The following PTPRQ variants were observed in gnomAD, a reference collection of about 807,000 sequenced individuals.
PTPRQ encodes the protein protein tyrosine phosphatase receptor type Q, also known as phosphatidylinositol phosphatase PTPRQ.
PTPRQ carries 199 observed loss-of-function variants against 246.0 expected under a neutral mutation model. The ratio of observed to expected loss-of-function variants is 0.81; its 90% CI spans 0.72 to 0.91. PTPRQ has a LOEUF of 0.91. Ranked by LOEUF, PTPRQ falls within the 40% of genes least tolerant of loss-of-function variation. The pLI is 0.00. For missense variants in PTPRQ, 2,624 were observed against 2,528.4 expected (o/e 1.04, Z -0.81); for synonymous variants, 869 against 853.2 (o/e 1.02, Z -0.32).
intron 25 of PTPRQ, among the ~76,000 whole-genome samples, chr12:80,570,295 T>C (rs1897107795): frequency 1.3e-5 from 2 of 152,230 alleles, no homozygotes; most frequent in African/African-American, 2.4e-5. Flanking sequence ...TGAGATGGTA[T>C]CTCATTGTAG....
At chr12:80,599,390 C>T (rs1898069117) in intron 26 of PTPRQ, among the ~76,000 whole-genome samples, 1 of 151,896 alleles carries the variant, frequency 6.6e-6, no homozygotes, top group South Asian at 2.1e-4. Context: ...AGATTCATTT[C>T]ACAAACAATC....
At chr12:80,551,613 T>G (rs1896476990) in intron 25 of PTPRQ, among the ~76,000 whole-genome samples, 1 of 152,174 alleles carries the variant, frequency 6.6e-6, no homozygotes, top group Non-Finnish European at 1.5e-5. Context: ...GAAGTAATAA[T>G]GAAAGGCACC....
At chr12:80,628,677 C>A (rs866895234) in intron 33 of PTPRQ, among the ~76,000 whole-genome samples, 1 of 151,830 alleles carries the variant, frequency 6.6e-6, no homozygotes, top group African/African-American at 2.4e-5. Context: ...TCTCTCAGAC[C>A]GTGGAATAGT....
At chr12:80,652,254 A>G (rs1485465202) in intron 37 of PTPRQ, among the ~76,000 whole-genome samples, 1 of 152,088 alleles carries the variant, frequency 6.6e-6, no homozygotes, top group Non-Finnish European at 1.5e-5. Context: ...GCATTCCATT[A>G]TTGATTTAGC....
At chr12:80,619,665 T>C (rs1297489741) in intron 31 of PTPRQ, 123 bp downstream of exon 31, 5 of 650,946 alleles carry the variant, frequency 7.7e-6, no homozygotes, top group Non-Finnish European at 1.1e-5. Context: ...ATTAATAGAT[T>C]GTCAATATTA....
chr12:80,627,345 T>TATA (rs10646490), intron 33 of PTPRQ, among the ~76,000 whole-genome samples: 19,744 of 143,174 alleles, frequency 0.14, 1,538 homozygotes, highest in African/African-American at 0.21. Flanking sequence ...ACTCAATTTT[T>TATA]ATAATAATAA....
chr12:80,563,369 G>T (rs191104743), intron 25 of PTPRQ, among the ~76,000 whole-genome samples: 1 of 151,682 alleles, frequency 6.6e-6, no homozygotes, highest in African/African-American at 2.4e-5. Context: ...AATCCCACTC[G>T]TGAGGGCAGA....
chr12:80,529,269 C>G (rs1895778186), intron 17 of PTPRQ, among the ~76,000 whole-genome samples: 1 of 152,226 alleles, frequency 6.6e-6, no homozygotes, highest in African/African-American at 2.4e-5. Context: ...TGTTCACATT[C>G]TTCATTTTGG....
At chr12:80,568,216 A>G (rs928658879) in intron 25 of PTPRQ, among the ~76,000 whole-genome samples, 2 of 152,234 alleles carry the variant, frequency 1.3e-5, no homozygotes, top group African/African-American at 4.8e-5. Flanking sequence ...ACAAAAAATT[A>G]TTTAGTATAC....
chr12:80,602,364 A>C (rs919938121), intron 26 of PTPRQ, among the ~76,000 whole-genome samples: 6 of 151,834 alleles, frequency 4.0e-5, no homozygotes, highest in Admixed American at 6.6e-5. Flanking sequence ...CACAGTTTAA[A>C]GATTGTCACC....
At chr12:80,635,168 A>C in intron 35 of PTPRQ, 95 bp downstream of exon 35, 1 of 1,472,282 alleles carries the variant, frequency 6.8e-7, no homozygotes, top group East Asian at 2.7e-5. Context: ...GTGGGGCTCT[A>C]ATTTACACAG....
rs185398433 is a variant in PTPRQ at position 80,666,234 on chromosome 12, C to T, written c.6193-2773C>T. 7.2e-5 allele frequency among the ~76,000 whole-genome samples: 11 copies of T among 152,054 alleles called. No individual in the cohort carries two copies. In the East Asian group the frequency reaches 2.1e-3, roughly 30 times the overall value. On this transcript the variant is annotated intron_variant, in intron 39 of 44. Coordinates refer to ENST00000644991, the MANE Select transcript of PTPRQ (RefSeq NM_001145026.2). ...TATACGCAATGGAATACTATTTAGC[C>T]ATGTAAAAGAATAAAGTCCTGTCAT...
At chr12:80,490,498 C>G (rs142557724) in intron 9 of PTPRQ, among the ~76,000 whole-genome samples, 1 of 151,940 alleles carries the variant, frequency 6.6e-6, no homozygotes, top group Non-Finnish European at 1.5e-5. Context: ...ATAGGCAAGG[C>G]CTTTCATGTT....
At chr12:80,555,581 A>G (rs1020128189) in intron 25 of PTPRQ, among the ~76,000 whole-genome samples, 4 of 151,546 alleles carry the variant, frequency 2.6e-5, no homozygotes, top group Non-Finnish European at 5.9e-5. Flanking sequence ...GGAAAGTTGC[A>G]TGATTCTGAT....
chr12:80,678,650 A>C lies in PTPRQ; in HGVS notation c.6787A>C (p.Lys2263Gln). ...GTGCATTCTGGATCTCTTATCAAAT[A>C]AGGGAAGTAATCAGCCCATCTGTTT... ...HQCILDLLSN[K>Q]GSNQPICFVN... The change falls in exon 44 of 45, where the codon AAG becomes CAG. Residue 2263 changes from lysine to glutamine, a missense_variant. By Grantham distance (53) the Lys-to-Gln change is moderately conservative. Coordinates refer to ENST00000644991, the MANE Select transcript of PTPRQ (RefSeq NM_001145026.2). 1.9e-6 allele frequency: 3 copies of C among 1,550,562 alleles called. No individual in the cohort carries two copies. Among genetic ancestry groups the C allele is most frequent in the Non-Finnish European group, 2.6e-6 (3 of 1,146,256 alleles).
chr12:80,545,234 T>C (rs1002587134), intron 23 of PTPRQ, among the ~76,000 whole-genome samples: 4 of 152,154 alleles, frequency 2.6e-5, no homozygotes, highest in African/African-American at 4.8e-5. Context: ...TACATGTGTC[T>C]ATAATCTCCA....
intron 2 of PTPRQ, among the ~76,000 whole-genome samples, 160 bp downstream of exon 2, chr12:80,445,009 C>A (rs1370788371): frequency 6.6e-6 from 1 of 151,838 alleles, no homozygotes; most frequent in Admixed American, 6.6e-5. Flanking sequence ...TTAGAACCTG[C>A]ATTCTGCTGT....
chr12:80,558,164 T>TTTTCTTTTCTTTTCTTTTCTTTTC (rs1896714035), intron 25 of PTPRQ, among the ~76,000 whole-genome samples: 1 of 125,814 alleles, frequency 7.9e-6, no homozygotes, highest in Non-Finnish European at 1.6e-5. Context: ...TTTTCTTTTC[T>TTTTCTTTTCTTTTCTTTTCTTTTC]TTTCTTTCTT....
In PTPRQ at chr12:80,546,580, G is replaced by A. The variant is rs770752181; in HGVS notation, c.3898G>A (p.Ala1300Thr). The A allele has an allele frequency of 1.2e-5, 19 of 1,548,598 alleles. No individual in the cohort carries two copies. The South Asian group carries it at 2.3e-4, about 19-fold the overall frequency. Residue 1300 changes from alanine (A) to threonine (T), a missense_variant, in exon 24 of 45, where the codon GCC becomes ACC. By Grantham distance (58) the Ala-to-Thr change is moderately conservative. Transcript: ENST00000644991. Reference protein sequence around the residue: ...YKNISGFKTEAKLVGLEPVST... With the variant: ...YKNISGFKTETKLVGLEPVST... ...GAATATATCAGGATTTAAAACTGAA[G>A]CCAAACTTGTTGGACTGGAACCAGT...
Sources: allele counts gnomAD v4.1 joint callset (sites outside exome capture counted in the v4.1 genomes callset), GRCh38; gene constraint gnomAD v4.1.1; transcripts MANE v1.5; gene names NCBI Gene and HGNC (gene_info 2026-07-23, HGNC 2026-07-21).